Variants in CACNA2D3 observed in about 807,000 individuals in gnomAD.
The protein encoded by CACNA2D3 is voltage-dependent calcium channel subunit alpha-2/delta-3.
A neutral mutation model predicts 160.6 loss-of-function variants in CACNA2D3; 60 were observed. That is an observed-to-expected ratio of 0.37 (90% CI 0.30 to 0.46). The LOEUF (loss-of-function observed/expected upper bound fraction) is 0.46. Ranked by LOEUF, CACNA2D3 falls within the 20% of genes least tolerant of loss-of-function variation. CACNA2D3 has a pLI of 1.00. For missense variants in CACNA2D3, 1,205 were observed against 1,365.0 expected (o/e 0.88, Z 1.85); for synonymous variants, 558 against 492.9 (o/e 1.13, Z -1.75).
chr3:54,795,161 C>T (rs1388969761), intron 13 of CACNA2D3, among the ~76,000 whole-genome samples: 3 of 152,064 alleles, frequency 2.0e-5, no homozygotes, highest in Non-Finnish European at 4.4e-5. Context: ...TGCCATGTCT[C>T]ATCCTTTGTT....
chr3:54,637,866 A>G (rs906949980), intron 10 of CACNA2D3: 52 of 152,054 alleles, frequency 3.4e-4, no homozygotes, highest in African/African-American at 1.3e-3. Context: ...GGTCCCACAC[A>G]GATGGGACGC....
chr3:54,629,830 T>A (rs1699197013), intron 10 of CACNA2D3, among the ~76,000 whole-genome samples: 8 of 152,220 alleles, frequency 5.3e-5, no homozygotes, highest in Admixed American at 5.2e-4. Context: ...GGGAGACTTC[T>A]CTGAGCTGTG....
At chr3:54,839,131 G>A (rs1269478911) in intron 16 of CACNA2D3, among the ~76,000 whole-genome samples, 1 of 152,132 alleles carries the variant, frequency 6.6e-6, no homozygotes, top group Non-Finnish European at 1.5e-5. Context: ...GATGGCAGGC[G>A]CCTGTAGTCC....
chr3:54,455,474 C>G (rs1490145310), intron 4 of CACNA2D3, among the ~76,000 whole-genome samples: 1 of 151,860 alleles, frequency 6.6e-6, no homozygotes, highest in African/African-American at 2.4e-5. Context: ...GTATAATAAT[C>G]CATTTTAGAC....
chr3:54,918,959 C>A, intron 27 of CACNA2D3: 1 of 1,334,958 alleles, frequency 7.5e-7, no homozygotes, highest in Non-Finnish European at 9.9e-7. Flanking sequence ...AATCCTCTGC[C>A]TGCAAAAACT....
At chr3:54,743,792 C>T (rs1415955517) in intron 11 of CACNA2D3, among the ~76,000 whole-genome samples, 2 of 152,248 alleles carry the variant, frequency 1.3e-5, no homozygotes, top group African/African-American at 2.4e-5. Context: ...GGAAGCAGGA[C>T]GGGGCTTCTG....
chr3:54,467,712 C>T (rs190728860), intron 4 of CACNA2D3, among the ~76,000 whole-genome samples: 9 of 152,106 alleles, frequency 5.9e-5, no homozygotes, highest in Admixed American at 5.9e-4. Flanking sequence ...TAGTGGTTAC[C>T]AGAGGATGGG....
chr3:54,592,434 T>C (rs1702879129), intron 9 of CACNA2D3, among the ~76,000 whole-genome samples: 1 of 152,318 alleles, frequency 6.6e-6, no homozygotes, highest in Non-Finnish European at 1.5e-5. Context: ...CTTTGCTGTT[T>C]TATGTTCCAA....
chr3:54,390,839 A>G lies in CACNA2D3; in HGVS notation c.381+4065A>G, dbSNP rs143478736. Among the ~76,000 whole-genome samples the G allele has an allele frequency of 3.5e-4, 53 of 152,282 alleles. No homozygotes were observed. In the East Asian group the frequency reaches 8.9e-3, roughly 26 times the overall value. On this transcript the variant is annotated intron_variant, in intron 4 of 37. Coordinates refer to ENST00000474759, the MANE Select transcript of CACNA2D3 (RefSeq NM_018398.3). ...TATGATGGTCCGTTAGAGCTGATCAATTGTTAATCTGGGTTCTGCTGACCT... is the reference window on the plus strand; with the variant it reads ...TATGATGGTCCGTTAGAGCTGATCAGTTGTTAATCTGGGTTCTGCTGACCT...
chr3:54,486,784 T>A (rs1290910643), intron 4 of CACNA2D3, among the ~76,000 whole-genome samples: 1 of 152,130 alleles, frequency 6.6e-6, no homozygotes, highest in East Asian at 1.9e-4. Context: ...GGTCATGTGC[T>A]CTTGAGTGGA....
At chr3:54,425,583 C>T (rs568422424) in intron 4 of CACNA2D3, among the ~76,000 whole-genome samples, 1 of 152,330 alleles carries the variant, frequency 6.6e-6, no homozygotes, top group African/African-American at 2.4e-5. Context: ...CAGCTCTACC[C>T]CACCTGAACA....
chr3:54,853,976 C>G (rs766849449), intron 17 of CACNA2D3, among the ~76,000 whole-genome samples: 6 of 152,146 alleles, frequency 3.9e-5, no homozygotes, highest in Non-Finnish European at 8.8e-5. Flanking sequence ...CAGGCTGCTG[C>G]TGAACTGAAA....
At chr3:54,313,609 C>G (rs2107501422) in intron 2 of CACNA2D3, among the ~76,000 whole-genome samples, 1 of 152,242 alleles carries the variant, frequency 6.6e-6, no homozygotes, top group South Asian at 2.1e-4. Flanking sequence ...TCACCAAAGT[C>G]ATCCAACCGT....
At chr3:54,981,083 C>G (rs1654451433) in intron 29 of CACNA2D3, among the ~76,000 whole-genome samples, 1 of 152,144 alleles carries the variant, frequency 6.6e-6, no homozygotes, top group Admixed American at 6.5e-5. Context: ...AGGAATTGAA[C>G]CCTGAACCCA....
intron 11 of CACNA2D3, among the ~76,000 whole-genome samples, chr3:54,738,204 A>G (rs1440082423): frequency 6.6e-6 from 1 of 152,214 alleles, no homozygotes; most frequent in East Asian, 1.9e-4. Flanking sequence ...ACTGGCTGTC[A>G]TTAGAAATTG....
intron 35 of CACNA2D3, among the ~76,000 whole-genome samples, chr3:55,036,882 A>G (rs998239689): frequency 3.3e-5 from 5 of 152,222 alleles, no homozygotes; most frequent in Non-Finnish European, 7.3e-5. Flanking sequence ...GTTCCTAAAC[A>G]CATGACTAGC....
chr3:54,864,069 A>G (rs74892136), intron 17 of CACNA2D3, among the ~76,000 whole-genome samples: 2,234 of 152,274 alleles, frequency 0.015, 52 homozygotes, highest in African/African-American at 0.05. Context: ...CATCTTGTCT[A>G]GAGAAATCTG....
At chr3:54,883,950 C>T (rs762805585) in intron 21 of CACNA2D3, among the ~76,000 whole-genome samples, 1 of 152,124 alleles carries the variant, frequency 6.6e-6, no homozygotes, top group Non-Finnish European at 1.5e-5. Flanking sequence ...AATTTACTAT[C>T]TCTTTTCTGC....
intron 11 of CACNA2D3, among the ~76,000 whole-genome samples, chr3:54,750,774 G>T (rs1701841024): frequency 7.8e-6 from 1 of 127,804 alleles, no homozygotes; most frequent in South Asian, 2.6e-4. Flanking sequence ...CTGGATCTTT[G>T]CTTTTTTTTT....
Sources: allele counts gnomAD v4.1 joint callset (sites outside exome capture counted in the v4.1 genomes callset), GRCh38; gene constraint gnomAD v4.1.1; transcripts MANE v1.5; gene names NCBI Gene and HGNC (gene_info 2026-07-23, HGNC 2026-07-21).